Variants in DLG2 observed in about 807,000 individuals in gnomAD.
The protein encoded by DLG2 is discs large MAGUK scaffold protein 2.
Under a neutral mutation model 132.5 loss-of-function variants are expected in DLG2, and 45 were observed. The observed-to-expected ratio is 0.34, with a 90% CI of 0.27 to 0.44. The LOEUF is 0.44. DLG2 is among the 20% of genes least tolerant of loss of function. DLG2 has a pLI of 1.00. For missense variants in DLG2, 1,045 were observed against 1,196.9 expected (o/e 0.87, Z 1.87); for synonymous variants, 424 against 419.6 (o/e 1.01, Z -0.13).
intron 6 of DLG2, among the ~76,000 whole-genome samples, chr11:84,979,696 C>T (rs1266386663): frequency 6.6e-6 from 1 of 152,148 alleles, no homozygotes; most frequent in South Asian, 2.1e-4. Flanking sequence ...ATGAGATATA[C>T]CTAATATTAA....
chr11:83,791,803 C>T (rs1385459374), intron 17 of DLG2, among the ~76,000 whole-genome samples: 1 of 152,200 alleles, frequency 6.6e-6, no homozygotes, highest in Non-Finnish European at 1.5e-5. Flanking sequence ...TCTCCCAGGA[C>T]CGGCGTGACT....
At chr11:83,786,879 C>T in intron 17 of DLG2, 87 bp from the exon 18 acceptor site, 1 of 1,070,190 alleles carries the variant, frequency 9.3e-7, no homozygotes, top group Non-Finnish European at 1.4e-6. Context: ...ACCAGGCTGT[C>T]TAACATTATA....
intron 3 of DLG2, among the ~76,000 whole-genome samples, chr11:85,350,843 G>C (rs1235143645): frequency 6.6e-6 from 1 of 152,088 alleles, no homozygotes; most frequent in East Asian, 1.9e-4. Context: ...CAGGTAGCGT[G>C]ATGCCTCCAG....
rs554723665 is a variant in DLG2, at chr11:84,580,181, T to C, written c.358-45450A>G. On this transcript the variant is annotated intron_variant, in intron 6 of 27. Coordinates refer to ENST00000376104, the MANE Select transcript of DLG2 (RefSeq NM_001142699.3). ...AAAGTGTGTATTACCTAATGGAATA[T>C]ACCAAGGGTTTGCAGTAATATGCTG... is the stretch of plus-strand genomic sequence containing the variant. 3.3e-5 allele frequency among the ~76,000 whole-genome samples: 5 copies of C among 152,322 alleles called. No homozygotes were observed. The South Asian group carries it at 1.0e-3, about 32-fold the overall frequency.
intron 4 of DLG2, among the ~76,000 whole-genome samples, chr11:85,216,000 A>G (rs2082564884): frequency 1.0e-5 from 1 of 97,338 alleles, no homozygotes; most frequent in Admixed American, 1.4e-4. Context: ...GGATATAAAA[A>G]TAATTTGGAA....
intron 18 of DLG2, among the ~76,000 whole-genome samples, chr11:83,733,608 A>G (rs113841881): frequency 3.9e-5 from 6 of 152,272 alleles, no homozygotes; most frequent in African/African-American, 1.4e-4. Context: ...TAGCTGCTCA[A>G]ATATTGGAGG....
rs2084669077 is a variant in DLG2, at chr11:84,866,980, A to G, written c.357+244681T>C. On this transcript the variant is annotated intron_variant, in intron 6 of 27. Coordinates refer to ENST00000376104, the MANE Select transcript of DLG2 (RefSeq NM_001142699.3). ...TATTTTTCTTGTATCCCTTGCACAC[A>G]TTCATTACATAGTAGGTAAGCAGTA... 1.3e-5 allele frequency among the ~76,000 whole-genome samples: 2 copies of G among 152,228 alleles called. 1 individual carries two copies. The highest frequency in any genetic ancestry group is 4.1e-4 in the South Asian group (2 of 4,836).
intron 9 of DLG2, among the ~76,000 whole-genome samples, chr11:84,099,813 C>A (rs2092271793): frequency 6.0e-5 from 7 of 116,144 alleles, no homozygotes; most frequent in African/African-American, 7.1e-5. Flanking sequence ...ATATATATAT[C>A]TAAAGAGATA....
At chr11:84,171,486 CTCTGTT>C in intron 8 of DLG2, among the ~76,000 whole-genome samples, 1 of 152,218 alleles carries the variant, frequency 6.6e-6, no homozygotes, top group Non-Finnish European at 1.5e-5. Context: ...GGTATTTTGA[CTCTGTT>C]TCTGAGTTAT....
chr11:83,605,740 C>T (rs569693575), intron 19 of DLG2, among the ~76,000 whole-genome samples: 1 of 152,302 alleles, frequency 6.6e-6, no homozygotes, highest in South Asian at 2.1e-4. Context: ...ACTGCAAAAG[C>T]CAGGTTTGTG....
At chr11:83,803,365 T>A (rs528724787) in intron 17 of DLG2, among the ~76,000 whole-genome samples, 4 of 152,228 alleles carry the variant, frequency 2.6e-5, no homozygotes, top group Admixed American at 6.5e-5. Flanking sequence ...TGGCATTAAT[T>A]GTAGAAGGCT....
At chr11:84,305,494 G>T (rs2098206158) in intron 7 of DLG2, among the ~76,000 whole-genome samples, 2 of 152,144 alleles carry the variant, frequency 1.3e-5, no homozygotes, top group Admixed American at 1.3e-4. Flanking sequence ...ATTGCAGATG[G>T]TAGGAGTAAG....
intron 3 of DLG2, among the ~76,000 whole-genome samples, chr11:85,597,541 A>T (rs940584444): frequency 6.6e-6 from 1 of 151,930 alleles, no homozygotes; most frequent in Non-Finnish European, 1.5e-5. Context: ...AATATTTTTT[A>T]AAAGTTAATC....
At chr11:84,785,598 G>C (rs1013997180) in intron 6 of DLG2, among the ~76,000 whole-genome samples, 7 of 152,058 alleles carry the variant, frequency 4.6e-5, no homozygotes, top group Non-Finnish European at 8.8e-5. Flanking sequence ...CCTTGAATTT[G>C]AAATTGTATA....
chr11:84,536,022 A>G (rs1374839876), intron 6 of DLG2, among the ~76,000 whole-genome samples: 1 of 151,218 alleles, frequency 6.6e-6, no homozygotes, highest in Non-Finnish European at 1.5e-5. Context: ...AACAAGAACC[A>G]CTCCAGGGAT....
chr11:83,668,850 C>CACAT (rs2076308491), intron 18 of DLG2, among the ~76,000 whole-genome samples: 1 of 130,024 alleles, frequency 7.7e-6, no homozygotes, highest in South Asian at 2.4e-4. Flanking sequence ...CACACACACA[C>CACAT]ATATATATAT....
At chr11:83,735,270 T>G (rs2091744991) in intron 18 of DLG2, among the ~76,000 whole-genome samples, 1 of 152,080 alleles carries the variant, frequency 6.6e-6, no homozygotes, top group Non-Finnish European at 1.5e-5. Flanking sequence ...TTGTTAAGGA[T>G]TATTGATTTG....
intron 19 of DLG2, among the ~76,000 whole-genome samples, chr11:83,555,509 G>A (rs986783723): frequency 2.6e-5 from 4 of 152,136 alleles, no homozygotes; most frequent in Non-Finnish European, 5.9e-5. Context: ...GATGGACAGA[G>A]GTCTCAGATA....
intron 6 of DLG2, among the ~76,000 whole-genome samples, chr11:84,921,427 T>C (rs1036616000): frequency 2.0e-5 from 3 of 152,180 alleles, no homozygotes; most frequent in Admixed American, 1.3e-4. Context: ...AGGAATTTAT[T>C]ATTCAAAAGT....
Sources: gnomAD v4.1 joint callset for allele counts (sites outside exome capture counted in the v4.1 genomes callset) on GRCh38, gnomAD v4.1.1 for gene constraint, MANE v1.5 for transcripts, NCBI Gene and HGNC (gene_info 2026-07-23, HGNC 2026-07-21) for gene names.